Variants in FOXN4 observed in about 807,000 individuals in gnomAD.
FOXN4 encodes the protein forkhead box protein N4.
Under a neutral mutation model 45.0 loss-of-function variants are expected in FOXN4, and 12 were observed. The ratio of observed to expected loss-of-function variants is 0.27; its 90% confidence interval spans 0.17 to 0.43. FOXN4 has a LOEUF of 0.43. Ranked by LOEUF, FOXN4 falls within the 20% of genes least tolerant of loss-of-function variation. FOXN4 has a pLI of 1.00. For synonymous variants in FOXN4, 297 were observed against 295.0 expected (o/e 1.01, Z -0.07); for missense variants, 560 against 694.9 (o/e 0.81, Z 2.18).
At chr12:109,294,125 C>T (rs769778133) in intron 2 of FOXN4, among the ~76,000 whole-genome samples, 1 of 152,068 alleles carries the variant, frequency 6.6e-6, no homozygotes, top group Non-Finnish European at 1.5e-5. Context: ...TCACTTGGGG[C>T]TACGCGAACC....
intron 2 of FOXN4, among the ~76,000 whole-genome samples, chr12:109,307,928 G>A (rs1034613140): frequency 6.6e-5 from 10 of 152,168 alleles, no homozygotes; most frequent in African/African-American, 2.4e-4. Context: ...AAGGCCACTG[G>A]AGGGGAAGCA....
intron 8 of FOXN4, among the ~76,000 whole-genome samples, chr12:109,284,639 G>C (rs1446917121): frequency 6.6e-6 from 1 of 151,840 alleles, no homozygotes; most frequent in Non-Finnish European, 1.5e-5. Flanking sequence ...GTAGATGGTG[G>C]CTAGGTCCTT....
At chr12:109,302,393 C>T (rs1444995820) in intron 2 of FOXN4, among the ~76,000 whole-genome samples, 1 of 152,332 alleles carries the variant, frequency 6.6e-6, no homozygotes, top group Admixed American at 6.5e-5. Context: ...ACAATTAACT[C>T]TTTACTTCCT....
At position 109,288,201 on chromosome 12, in the gene FOXN4, G is replaced by C. The variant is rs1256309355; in HGVS notation, c.233-21C>G. 6.5e-7 allele frequency: 1 copy of C among 1,545,656 alleles called. No individual in the cohort carries two copies. Among genetic ancestry groups the C allele is most frequent in the Middle Eastern group, 1.7e-4 (1 of 5,782 alleles). ...GGCACCTGCCGGAGAGAAGCACAGA[G>C]ACGCTGCTGGGCTGGAGGAATGGTG... is the stretch of plus-strand genomic sequence containing the variant. On this transcript the variant is annotated intron_variant, in intron 3 of 9. Coordinates refer to ENST00000299162, the MANE Select transcript of FOXN4 (RefSeq NM_213596.3). The surrounding 1 kb of genome is among the most constrained non-coding windows in gnomAD (Gnocchi z 4.3).
chr12:109,292,673 G>A lies in FOXN4; in HGVS notation c.87-2387C>T, dbSNP rs188503454. On this transcript the variant is annotated intron_variant, in intron 2 of 9. Transcript: ENST00000299162. ...TGCTCATATTAATATCCACCAGGTC[G>A]CCAGGGGGCTGGAAGTACACTGAAG... Among the ~76,000 whole-genome samples the A allele has an allele frequency of 2.5e-3, 384 of 152,240 alleles. 1 individual carries two copies. The highest frequency in any genetic ancestry group is 5.0e-3 in the African/African-American group (208 of 41,538).
intron 8 of FOXN4, among the ~76,000 whole-genome samples, 173 bp downstream of exon 8, chr12:109,285,131 C>T (rs112074326): frequency 7.3e-6 from 1 of 137,658 alleles, no homozygotes; most frequent in African/African-American, 2.7e-5. Context: ...CTTCTGTGTG[C>T]GTGTGCGTGT....
In FOXN4 at chr12:109,287,548, G is replaced by A; in HGVS notation, c.469-24C>T. ...CACTTCCCACAGGCAGGGGCAGGGA[G>A]AAAGTGGCAGAGAAAGAGAGAAGGT... On this transcript the variant is annotated intron_variant, in intron 5 of 9. Coordinates refer to ENST00000299162, the MANE Select transcript of FOXN4 (RefSeq NM_213596.3). This position sits in a 1 kb window ranked among gnomAD's most constrained non-coding sequence, Gnocchi z 4.1. 5 of 1,500,722 alleles carry A rather than the reference G, an allele frequency of 3.3e-6. No individual in the cohort carries two copies. The highest frequency in any genetic ancestry group is 4.4e-6 in the Non-Finnish European group (5 of 1,126,292). 93.0% of individuals were successfully genotyped at this position (1,500,722 alleles called of 1,614,324 possible). A position where few individuals can be genotyped will look rare whatever the true frequency, so the allele number is the denominator to read the frequency against.
rs956181812 is a variant in FOXN4 at position 109,299,324 on chromosome 12, C to T, written c.86+8912G>A. 5.3e-5 allele frequency among the ~76,000 whole-genome samples: 8 copies of T among 152,126 alleles called. No individual in the cohort carries two copies. The East Asian group carries it at 5.8e-4, about 11-fold the overall frequency. On this transcript the variant is annotated intron_variant, in intron 2 of 9. Transcript: ENST00000299162. ...ATATGCACACAGACACACACACGCA[C>T]GCATGCACACTACGCACACGGATGC... is the stretch of plus-strand genomic sequence containing the variant.
intron 3 of FOXN4, among the ~76,000 whole-genome samples, chr12:109,289,321 GT>G (rs2047744463): frequency 6.6e-6 from 1 of 152,154 alleles, no homozygotes; most frequent in Non-Finnish European, 1.5e-5. Flanking sequence ...GCTGTGGCTG[GT>G]TTTGTGTTAC....
chr12:109,287,728 G>A lies in FOXN4; in HGVS notation c.468+116C>T. 8.8e-7 allele frequency: 1 copy of A among 1,142,772 alleles called. No individual in the cohort carries two copies. The highest frequency in any genetic ancestry group is 1.2e-6 in the Non-Finnish European group (1 of 826,460). 70.8% of individuals were successfully genotyped at this position (1,142,772 alleles called of 1,614,324 possible). ...ATGAATGACCCCATGACATGAGCAT[G>A]GAGGGAATGTTATCCCCATGTGCTG... On this transcript the variant is annotated intron_variant, in intron 5 of 9. Transcript: ENST00000299162. The surrounding 1 kb of genome is among the most constrained non-coding windows in gnomAD (Gnocchi z 4.1).
chr12:109,298,829 C>T (rs1262672387), intron 2 of FOXN4, among the ~76,000 whole-genome samples: 1 of 152,242 alleles, frequency 6.6e-6, no homozygotes, highest in South Asian at 2.1e-4. Flanking sequence ...TAGAGGGTCC[C>T]TCAGGGCCAC....
At chr12:109,299,165 T>C (rs570906876) in intron 2 of FOXN4, among the ~76,000 whole-genome samples, 1 of 152,172 alleles carries the variant, frequency 6.6e-6, no homozygotes, top group South Asian at 2.1e-4. Flanking sequence ...AAAAAGAACA[T>C]AAAAGACCTA....
intron 2 of FOXN4, among the ~76,000 whole-genome samples, chr12:109,302,537 C>T (rs1451109542): frequency 1.3e-5 from 2 of 152,192 alleles, no homozygotes; most frequent in East Asian, 3.8e-4. Context: ...CTCTGTGCTG[C>T]AGTTTCCTCA....
At position 109,279,627 on chromosome 12, in the gene FOXN4, C is replaced by T. The variant is rs367985069; in HGVS notation, c.*44G>A. ...ACACCCTGTTCTAGTCAGTTCTCTG[C>T]CCAAGCCGGGTGCCGGGGTTCCAGG... On this transcript the variant is annotated 3_prime_UTR_variant, in exon 10 of 10. Transcript: ENST00000299162. 5.5e-4 allele frequency: 854 copies of T among 1,555,288 alleles called. No individual in the cohort carries two copies. The highest frequency in any genetic ancestry group is 6.9e-4 in the Non-Finnish European group (798 of 1,149,412).
chr12:109,280,469 T>C (rs2047642703), intron 9 of FOXN4, among the ~76,000 whole-genome samples: 1 of 151,244 alleles, frequency 6.6e-6, no homozygotes, highest in African/African-American at 2.4e-5. Flanking sequence ...AAGATGGAAA[T>C]GATCAGTGAA....
In FOXN4 at chr12:109,290,882, G is replaced by A. The variant is rs7971706; in HGVS notation, c.87-596C>T. On this transcript the variant is annotated intron_variant, in intron 2 of 9. Transcript: ENST00000299162. The surrounding 1 kb of genome is among the most constrained non-coding windows in gnomAD (Gnocchi z 5.1). ...GAGTGCCTGCTACCTGCCAGGCCCT[G>A]GACTCAGCATTCAACAAGCGCTGTC... Among the ~76,000 whole-genome samples the A allele has an allele frequency of 0.064, 9,676 of 152,256 alleles. 384 individuals are homozygous for A. The highest frequency in any genetic ancestry group is 0.11 in the Middle Eastern group (31 of 294).
At chr12:109,284,463 G>A (rs2047683009) in intron 8 of FOXN4, among the ~76,000 whole-genome samples, 1 of 152,142 alleles carries the variant, frequency 6.6e-6, no homozygotes, top group Non-Finnish European at 1.5e-5. Flanking sequence ...GCGTGCATGT[G>A]TGCGTGTGCG....
intron 8 of FOXN4, among the ~76,000 whole-genome samples, chr12:109,283,122 C>A (rs758576435): frequency 6.6e-6 from 1 of 152,258 alleles, no homozygotes; most frequent in Non-Finnish European, 1.5e-5. Flanking sequence ...TTAGCCTCCA[C>A]GTCACAGTCC....
intron 2 of FOXN4, among the ~76,000 whole-genome samples, chr12:109,306,938 C>A (rs925735229): frequency 1.3e-5 from 2 of 152,204 alleles, no homozygotes; most frequent in African/African-American, 2.4e-5. Flanking sequence ...TGGGAGAAGC[C>A]ATTTCATTTT....
Sources: allele counts gnomAD v4.1 joint callset (sites outside exome capture counted in the v4.1 genomes callset), GRCh38; gene constraint gnomAD v4.1.1; non-coding constraint Gnocchi (gnomAD v3.1); transcripts MANE v1.5; gene names NCBI Gene and HGNC (gene_info 2026-07-23, HGNC 2026-07-21).